Variants in SSBP4 observed in about 807,000 individuals in gnomAD.
The protein encoded by SSBP4 is single-stranded DNA-binding protein 4.
Under a neutral mutation model 64.6 loss-of-function variants are expected in SSBP4, and 33 were observed. The ratio of observed to expected loss-of-function variants is 0.51; its 90% CI spans 0.39 to 0.68. The LOEUF is 0.68. Ranked by LOEUF, SSBP4 falls within the 30% of genes least tolerant of loss-of-function variation. The probability of loss-of-function intolerance (pLI) is 0.00; values close to 1 mark genes in which losing one functional copy is unlikely to be tolerated. For synonymous variants in SSBP4, 243 were observed against 224.0 expected (o/e 1.08, Z -0.76); for missense variants, 583 against 566.8 (o/e 1.03, Z -0.29).
the SSBP4 span, among the ~76,000 whole-genome samples, chr19:18,407,471 C>T: frequency 2.9e-3 from 446 of 152,160 alleles, 4 homozygotes; most frequent in African/African-American, 0.01. Context: ...GGCTGGAGTG[C>T]AGTGGCGTGA....
chr19:18,419,067 G>A, upstream of SSBP4: 1 of 985,654 alleles, frequency 1.0e-6, no homozygotes, highest in Non-Finnish European at 1.2e-6. Context: ...GTACACTTTT[G>A]CTGTGTGGAG....
upstream of SSBP4, among the ~76,000 whole-genome samples, chr19:18,417,822 C>T (rs963075804): frequency 5.3e-5 from 8 of 151,996 alleles, no homozygotes; most frequent in Non-Finnish European, 1.2e-4. This position sits in a 1 kb window ranked among gnomAD's most constrained non-coding sequence, Gnocchi z 5.4. Flanking sequence ...CCTTCCTCTC[C>T]GCGGGTCTGG....
rs759503949 is a variant in SSBP4 at position 18,432,510 on chromosome 19, T to C, written c.705-49T>C. 1.4e-5 allele frequency: 22 copies of C among 1,533,052 alleles called. 1 individual carries two copies. The Middle Eastern group carries it at 9.5e-4, about 66-fold the overall frequency. 95.0% of individuals were successfully genotyped at this position (1,533,052 alleles called of 1,614,324 possible). ...TGTGGGGGGTGTGTGGTGAGGGCTG[T>C]GATCCACATGGACTAGCCCCAGAGT... On this transcript the variant is annotated intron_variant, in intron 10 of 17. Transcript: ENST00000270061.
chr19:18,405,139 C>G, the SSBP4 span, among the ~76,000 whole-genome samples: 5 of 152,156 alleles, frequency 3.3e-5, no homozygotes, highest in African/African-American at 1.2e-4. Flanking sequence ...TCCCTCCAGG[C>G]CTCAGCCTGG....
upstream of SSBP4, among the ~76,000 whole-genome samples, chr19:18,414,393 G>A (rs1972115285): frequency 6.6e-6 from 1 of 152,064 alleles, no homozygotes; most frequent in African/African-American, 2.4e-5. Flanking sequence ...TTGGGAAGCT[G>A]AGGTGGGAGG....
chr19:18,404,044 C>T, the SSBP4 span, among the ~76,000 whole-genome samples: 716 of 152,124 alleles, frequency 4.7e-3, 6 homozygotes, highest in Non-Finnish European at 5.8e-3. Context: ...GACACCAGCC[C>T]GCCCCCCAGC....
At chr19:18,411,533 A>G in the SSBP4 span, among the ~76,000 whole-genome samples, 2 of 151,932 alleles carry the variant, frequency 1.3e-5, no homozygotes, top group African/African-American at 4.8e-5. Context: ...CCAACAAGGT[A>G]ATATAATCCA....
chr19:18,404,991 C>A, the SSBP4 span, among the ~76,000 whole-genome samples: 3 of 149,306 alleles, frequency 2.0e-5, no homozygotes, highest in East Asian at 1.9e-4. Context: ...AGAGGCCCCC[C>A]CCCCCGCGAA....
At position 18,432,702 on chromosome 19, in the gene SSBP4, C is replaced by A; in HGVS notation, c.753C>A (p.Ile251=). The A allele has an allele frequency of 1.9e-6, 3 of 1,573,620 alleles. No individual in the cohort carries two copies. Among genetic ancestry groups the A allele is most frequent in the Non-Finnish European group, 2.6e-6 (3 of 1,155,516 alleles). ...GPWASPSGNS[I]PYSSSSPGSY... ...CTCACAGCTGCCCTTGTCCCCAGAT[C>A]CCCTACTCCTCCTCATCCCCCGGCA... The change falls in exon 12 of 18, where the codon ATC becomes ATA. Residue 251 remains isoleucine, a splice_region_variant and synonymous_variant. Coordinates refer to ENST00000270061, the MANE Select transcript of SSBP4 (RefSeq NM_032627.5).
At position 18,432,192 on chromosome 19, in the gene SSBP4, C is replaced by G; in HGVS notation, c.682C>G (p.Pro228Ala). 6.2e-7 allele frequency: 1 copy of G among 1,613,136 alleles called. No homozygotes were observed. Among genetic ancestry groups the G allele is most frequent in the Non-Finnish European group, 8.5e-7 (1 of 1,179,980 alleles). Residue 228 changes from proline (P) to alanine (A), a missense_variant, in exon 10 of 18, where the codon CCA (proline) becomes GCA (alanine). Physicochemically the swap from Pro to Ala is conservative, Grantham distance 27. Around this residue, in one of 5 missense-constraint regions of SSBP4, gnomAD observed 444 missense variants for 386.6 expected, o/e 1.15. Coordinates refer to ENST00000270061, the MANE Select transcript of SSBP4 (RefSeq NM_032627.5). ...ACCCCCACCCAACTCCCTCGCCGGC[C>G]CAGGCCTGCCTGCCATGAACATGTA... ...MRPPPNSLAG[P>A]GLPAMNMGPG...
the SSBP4 span, among the ~76,000 whole-genome samples, chr19:18,410,341 A>C: frequency 9.2e-5 from 14 of 151,908 alleles, no homozygotes; most frequent in African/African-American, 3.4e-4. Flanking sequence ...CATGTTGGCC[A>C]GGCTGGTATT....
intron 1 of SSBP4, among the ~76,000 whole-genome samples, chr19:18,422,285 C>T (rs1664343191): frequency 6.6e-6 from 1 of 152,172 alleles, no homozygotes; most frequent in African/African-American, 2.4e-5. Context: ...GCATTCCTGG[C>T]CCCCTTCCCA....
At chr19:18,410,306 A>G in the SSBP4 span, among the ~76,000 whole-genome samples, 12 of 147,416 alleles carry the variant, frequency 8.1e-5, no homozygotes, top group Non-Finnish European at 1.6e-4. Context: ...TAATTTTTGT[A>G]TTTTTAGTGA....
At chr19:18,405,060 A>G in the SSBP4 span, among the ~76,000 whole-genome samples, 1 of 151,156 alleles carries the variant, frequency 6.6e-6, no homozygotes, top group African/African-American at 2.4e-5. Flanking sequence ...CCTCAATTCA[A>G]CCCCATCACC....
chr19:18,432,772 G>A (rs1973544381), intron 12 of SSBP4, 37 bp downstream of exon 12: 1 of 1,612,990 alleles, frequency 6.2e-7, no homozygotes, highest in Non-Finnish European at 8.5e-7. Context: ...CCTGGGCAGG[G>A]GTTGTGGGAT....
the SSBP4 span, among the ~76,000 whole-genome samples, chr19:18,403,127 T>G: frequency 2.0e-5 from 3 of 152,194 alleles, no homozygotes; most frequent in African/African-American, 7.2e-5. Flanking sequence ...TGGAGAGAAG[T>G]ATAAATCTGG....
At chr19:18,434,144 C>T (rs555350822) in intron 17 of SSBP4, 73 bp from the exon 18 acceptor site, 49 of 1,600,252 alleles carry the variant, frequency 3.1e-5, no homozygotes, top group South Asian at 3.0e-4. Flanking sequence ...CCCCCATTGT[C>T]CCTGGGGGCG....
chr19:18,432,340 G>A (rs533145777), intron 10 of SSBP4, 126 bp downstream of exon 10: 33 of 1,361,724 alleles, frequency 2.4e-5, no homozygotes, highest in South Asian at 4.1e-5. Context: ...CATGGCCACC[G>A]TTGAGGGGAA....
the SSBP4 span, among the ~76,000 whole-genome samples, chr19:18,407,448 G>A: frequency 1.2e-4 from 19 of 152,070 alleles, no homozygotes; most frequent in East Asian, 3.1e-3. Context: ...ACGGAGTCTC[G>A]TTCTGTTGCC....
Sources: allele counts gnomAD v4.1 joint callset (sites outside exome capture counted in the v4.1 genomes callset), GRCh38; gene constraint gnomAD v4.1.1; regional missense constraint gnomAD v4.1.1; non-coding constraint Gnocchi (gnomAD v3.1); transcripts MANE v1.5; gene names NCBI Gene and HGNC (gene_info 2026-07-23, HGNC 2026-07-21).